The following CRB1 variants were observed in gnomAD, a reference collection of about 807,000 sequenced individuals.
CRB1 encodes the protein crumbs cell polarity complex component 1, also known as protein crumbs homolog 1.
Under a neutral mutation model 120.0 loss-of-function variants are expected in CRB1, and 83 were observed. That is an observed-to-expected ratio of 0.69 (90% CI 0.58 to 0.83). The LOEUF is 0.83. Ranked by LOEUF, CRB1 falls within the 40% of genes least tolerant of loss-of-function variation. CRB1 has a pLI of 0.00. For synonymous variants in CRB1, 625 were observed against 612.5 expected (o/e 1.02, Z -0.30); for missense variants, 1,699 against 1,687.6 (o/e 1.01, Z -0.12).
At chr1:197,353,951 A>G (rs1352144434) in intron 4 of CRB1, among the ~76,000 whole-genome samples, 1 of 151,084 alleles carries the variant, frequency 6.6e-6, no homozygotes, top group Non-Finnish European at 1.5e-5. Flanking sequence ...TATACATAGT[A>G]TATAAATACT....
At chr1:197,297,812 A>G (rs1006457670) in intron 1 of CRB1, among the ~76,000 whole-genome samples, 6 of 152,144 alleles carry the variant, frequency 3.9e-5, no homozygotes, top group African/African-American at 1.2e-4. Flanking sequence ...TCAGAAAAGT[A>G]TGAAGCTATA....
intron 1 of CRB1, among the ~76,000 whole-genome samples, chr1:197,295,295 A>G (rs1656456368): frequency 6.6e-6 from 1 of 151,966 alleles, no homozygotes; most frequent in South Asian, 2.1e-4. Flanking sequence ...TCGTCAGGGT[A>G]CTAAACACCT....
chr1:197,306,905 C>T (rs1165296800), intron 1 of CRB1, among the ~76,000 whole-genome samples: 19 of 152,128 alleles, frequency 1.2e-4, no homozygotes, highest in Admixed American at 1.2e-3. Context: ...CTAGTCACAT[C>T]ATGTTGTTAG....
chr1:197,405,498 C>G (rs1464434755), intron 5 of CRB1, among the ~76,000 whole-genome samples: 1 of 152,176 alleles, frequency 6.6e-6, no homozygotes, highest in African/African-American at 2.4e-5. Context: ...CGGCCGCCAC[C>G]CCGTCTGGGA....
the CRB1 span, among the ~76,000 whole-genome samples, chr1:197,255,963 TTTTATATATATA>T: frequency 3.0e-5 from 1 of 33,284 alleles, no homozygotes; most frequent in Non-Finnish European, 6.2e-5. Flanking sequence ...ATATAGAACA[TTTTATATATATA>T]TATATATATA....
chr1:197,416,588 T>C (rs1182270771), intron 5 of CRB1, among the ~76,000 whole-genome samples: 3 of 152,196 alleles, frequency 2.0e-5, no homozygotes, highest in Non-Finnish European at 4.4e-5. Context: ...GGTCAAGATA[T>C]GGTTGCTGTC....
intron 1 of CRB1, among the ~76,000 whole-genome samples, chr1:197,298,203 A>G (rs1656650600): frequency 6.6e-6 from 1 of 152,182 alleles, no homozygotes; most frequent in African/African-American, 2.4e-5. Flanking sequence ...TGGAAAATAA[A>G]GAGAGGCAAG....
chr1:197,414,074 T>C (rs1279895896), intron 5 of CRB1: 7 of 373,974 alleles, frequency 1.9e-5, no homozygotes, highest in Non-Finnish European at 3.9e-5. Context: ...TTAGCAACTA[T>C]TGTTTAATGC....
chr1:197,252,582 A>ATATG, the CRB1 span, among the ~76,000 whole-genome samples: 25 of 15,478 alleles, frequency 1.6e-3, no homozygotes, highest in African/African-American at 3.6e-3. Flanking sequence ...ATATATATAT[A>ATATG]TGTGTGTGTG....
At chr1:197,461,322 T>C (rs1472741490) in intron 11 of CRB1, among the ~76,000 whole-genome samples, 1 of 151,976 alleles carries the variant, frequency 6.6e-6, no homozygotes, top group African/African-American at 2.4e-5. Context: ...GAGTATTTCA[T>C]AGGATTCCCA....
intron 5 of CRB1, among the ~76,000 whole-genome samples, chr1:197,403,281 T>C (rs527840670): frequency 6.6e-6 from 1 of 152,350 alleles, no homozygotes; most frequent in Admixed American, 6.5e-5. Flanking sequence ...GTGGTTTCTT[T>C]AATAACCTTC....
At chr1:197,355,496 C>CG (rs915123946) in intron 4 of CRB1, among the ~76,000 whole-genome samples, 52 of 152,256 alleles carry the variant, frequency 3.4e-4, no homozygotes, top group African/African-American at 1.2e-3. Context: ...TGGGGGATTG[C>CG]GGGGGGCTCA....
the CRB1 span, among the ~76,000 whole-genome samples, chr1:197,222,029 A>C: frequency 6.6e-6 from 1 of 152,236 alleles, no homozygotes; most frequent in Non-Finnish European, 1.5e-5. Context: ...ATTCTTTTAG[A>C]AAATATTCAA....
chr1:197,420,166 ATGT>A (rs1664227276), intron 5 of CRB1, among the ~76,000 whole-genome samples: 1 of 152,166 alleles, frequency 6.6e-6, no homozygotes, highest in African/African-American at 2.4e-5. Context: ...TTGAATGAAG[ATGT>A]TGGGGAAACC....
rs1571878277 is a variant in CRB1, at chr1:197,347,475, G to A, written c.984G>A (p.Trp328Ter). The change falls in exon 4 of 12, where the codon TGG becomes TGA. Residue 328 changes from tryptophan to a stop codon, truncating the protein, a stop_gained. Transcript: ENST00000367400. LOFTEE classifies it high-confidence loss of function. Reference protein sequence around the residue: ...DSVDNYTCHCWPGYTGAQCEI... With the variant: ...DSVDNYTCHC ...TTGACAATTACACTTGTCACTGCTG[G>A]CCTGGTGAGTGACAAAATACCTTCC... 6.2e-7 allele frequency: 1 copy of A among 1,614,040 alleles called. No individual in the cohort carries two copies. Among genetic ancestry groups the A allele is most frequent in the Non-Finnish European group, 8.5e-7 (1 of 1,179,930 alleles).
the CRB1 span, among the ~76,000 whole-genome samples, chr1:197,227,461 A>G: frequency 1.3e-5 from 2 of 149,208 alleles, no homozygotes; most frequent in African/African-American, 5.0e-5. Context: ...CACGAAGGGC[A>G]GTCAAATTCT....
At chr1:197,253,772 T>A in the CRB1 span, among the ~76,000 whole-genome samples, 5 of 152,104 alleles carry the variant, frequency 3.3e-5, no homozygotes, top group Admixed American at 6.6e-5. Flanking sequence ...TTTTTCTTAA[T>A]GGGTTTGAAT....
At chr1:197,245,816 AC>A in the CRB1 span, among the ~76,000 whole-genome samples, 1 of 152,068 alleles carries the variant, frequency 6.6e-6, no homozygotes, top group Non-Finnish European at 1.5e-5. Flanking sequence ...CAGGTTCCTT[AC>A]ATGATCTATG....
At chr1:197,425,613 T>A (rs1664542022) in intron 6 of CRB1, among the ~76,000 whole-genome samples, 2 of 152,086 alleles carry the variant, frequency 1.3e-5, no homozygotes, top group South Asian at 4.1e-4. Flanking sequence ...GTCAATTCTG[T>A]CCCCATCTTA....
Sources: allele counts gnomAD v4.1 joint callset (sites outside exome capture counted in the v4.1 genomes callset), GRCh38; gene constraint gnomAD v4.1.1; transcripts MANE v1.5; gene names NCBI Gene and HGNC (gene_info 2026-07-23, HGNC 2026-07-21).